Variants in HTR4 observed in about 807,000 individuals in gnomAD.
HTR4 encodes 5-hydroxytryptamine receptor 4.
Under a neutral mutation model 36.8 loss-of-function variants are expected in HTR4, and 16 were observed. The ratio of observed to expected loss-of-function variants is 0.43; its 90% confidence interval spans 0.29 to 0.66. The LOEUF (loss-of-function observed/expected upper bound fraction) is 0.66, where lower values mean the gene tolerates loss of function less well. Among genes scored for constraint, HTR4 ranks in the 30% least tolerant of loss-of-function variants. The probability of loss-of-function intolerance (pLI) is 0.13; values close to 1 mark genes in which losing one functional copy is unlikely to be tolerated. For synonymous variants in HTR4, 189 were observed against 185.1 expected, an observed-to-expected ratio of 1.02 and a Z score of -0.17; for missense variants, 438 against 490.9, an observed-to-expected ratio of 0.89 and a Z score of 1.02.
intron 6 of HTR4, among the ~76,000 whole-genome samples, chr5:148,491,667 A>C (rs1235479271): frequency 6.6e-6 from 1 of 152,194 alleles, no homozygotes; most frequent in East Asian, 1.9e-4. Flanking sequence ...TCTGGTAAAC[A>C]AGATCATTCC....
chr5:148,636,591 A>T (rs540633762), intron 2 of HTR4, among the ~76,000 whole-genome samples: 56 of 152,354 alleles, frequency 3.7e-4, no homozygotes, highest in Admixed American at 2.0e-4. Flanking sequence ...AACCTAGTTG[A>T]GAAAAGAAGT....
intron 4 of HTR4, among the ~76,000 whole-genome samples, chr5:148,524,789 TCCC>T (rs1758185568): frequency 6.6e-6 from 1 of 152,216 alleles, no homozygotes; most frequent in Non-Finnish European, 1.5e-5. Flanking sequence ...TGTTAATTTT[TCCC>T]ACCTCTTCTT....
intron 2 of HTR4, among the ~76,000 whole-genome samples, chr5:148,580,310 T>G (rs1164734298): frequency 6.6e-6 from 1 of 152,092 alleles, no homozygotes; most frequent in African/African-American, 2.4e-5. Flanking sequence ...ACATAATTAA[T>G]GTATACTTGG....
At chr5:148,525,391 G>T (rs753281025) in intron 4 of HTR4, among the ~76,000 whole-genome samples, 1 of 151,900 alleles carries the variant, frequency 6.6e-6, no homozygotes, top group East Asian at 1.9e-4. Context: ...TTTCCATTTA[G>T]CATCCTTCTT....
At chr5:148,484,092 A>G (rs1442866682) in intron 6 of HTR4, among the ~76,000 whole-genome samples, 2 of 152,098 alleles carry the variant, frequency 1.3e-5, no homozygotes, top group African/African-American at 2.4e-5. Flanking sequence ...AACATTCAAG[A>G]TATGATTATT....
intron 2 of HTR4, among the ~76,000 whole-genome samples, chr5:148,591,303 C>G (rs969457459): frequency 6.6e-6 from 1 of 152,128 alleles, no homozygotes; most frequent in Admixed American, 6.5e-5. Flanking sequence ...ATTTCCTTGG[C>G]TATTAGGGCT....
intron 2 of HTR4, among the ~76,000 whole-genome samples, chr5:148,573,877 G>A (rs1760777774): frequency 9.4e-6 from 1 of 106,064 alleles, no homozygotes; most frequent in African/African-American, 3.6e-5. Flanking sequence ...GTAGACTAAT[G>A]GTCTACCTGG....
intron 2 of HTR4, among the ~76,000 whole-genome samples, chr5:148,620,187 G>A (rs60602097): frequency 0.014 from 2,114 of 152,322 alleles, 44 homozygotes; most frequent in African/African-American, 0.049. Flanking sequence ...TAGGAGAAAA[G>A]GGAAGAAAAG....
rs1033738729 is a variant in HTR4, at chr5:148,654,526, C to T, written c.-512G>A. ...CCTCCCTGGCCGGAGCGCTGCTCATCTGATGGAGGGCAGGAAGGAGCCCTG... is the reference window on the plus strand; with the variant it reads ...CCTCCCTGGCCGGAGCGCTGCTCATTTGATGGAGGGCAGGAAGGAGCCCTG... On this transcript the variant is annotated 5_prime_UTR_variant, in exon 1 of 7. Coordinates refer to ENST00000377888, the MANE Select transcript of HTR4 (RefSeq NM_000870.7). 1.0e-6 allele frequency: 1 copy of T among 983,390 alleles called. No individual in the cohort carries two copies. The highest frequency in any genetic ancestry group is 1.2e-6 in the Non-Finnish European group (1 of 828,048). 60.9% of individuals were successfully genotyped at this position (983,390 alleles called of 1,614,324 possible).
At chr5:148,650,723 A>C (rs1862340) in intron 1 of HTR4, among the ~76,000 whole-genome samples, 29,492 of 152,102 alleles carry the variant, frequency 0.19, 3,428 homozygotes, top group East Asian at 0.4. Context: ...ATTACCCAAC[A>C]CTGCCACCAC....
chr5:148,642,176 A>T (rs1178040594), intron 1 of HTR4, among the ~76,000 whole-genome samples: 2 of 152,200 alleles, frequency 1.3e-5, no homozygotes, highest in Non-Finnish European at 2.9e-5. Flanking sequence ...AGGAGTAAGT[A>T]AAACATTATT....
chr5:148,482,529 T>C lies in HTR4; in HGVS notation c.*674A>G. ...CTGACCCTGTGTCTTCCATGGAAAATAAATGGAGCATGTCCTGAAGAGGAG... is the reference window on the plus strand; with the variant it reads ...CTGACCCTGTGTCTTCCATGGAAAACAAATGGAGCATGTCCTGAAGAGGAG... On this transcript the variant is annotated 3_prime_UTR_variant, in exon 7 of 7. Coordinates refer to ENST00000377888, the MANE Select transcript of HTR4 (RefSeq NM_000870.7). The C allele has an allele frequency of 3.0e-6, 3 of 985,382 alleles. No individual in the cohort carries two copies. The highest frequency in any genetic ancestry group is 2.4e-6 in the Non-Finnish European group (2 of 830,040). 61.0% of individuals were successfully genotyped at this position (985,382 alleles called of 1,614,324 possible).
At chr5:148,615,841 A>G (rs968723512) in intron 2 of HTR4, among the ~76,000 whole-genome samples, 1 of 152,158 alleles carries the variant, frequency 6.6e-6, no homozygotes, top group African/African-American at 2.4e-5. Flanking sequence ...TTGTCAATCA[A>G]TTTCTCCAGC....
intron 6 of HTR4, among the ~76,000 whole-genome samples, chr5:148,486,009 T>C: frequency 6.6e-6 from 1 of 152,202 alleles, no homozygotes; most frequent in East Asian, 1.9e-4. Context: ...TAAATAAAGA[T>C]TGAAAATACT....
intron 2 of HTR4, among the ~76,000 whole-genome samples, chr5:148,605,252 TTTTC>T (rs199573725): frequency 0.17 from 18,654 of 107,886 alleles, 2,560 homozygotes; most frequent in African/African-American, 0.38. Flanking sequence ...TTTTCTTTTC[TTTTC>T]TTTTTTTTTT....
chr5:148,584,368 C>T (rs1581509038), intron 2 of HTR4, among the ~76,000 whole-genome samples: 1 of 152,262 alleles, frequency 6.6e-6, no homozygotes. Context: ...GTGCCACACA[C>T]CTTCCAATTA....
At position 148,482,429 on chromosome 5, in the gene HTR4, G is replaced by A. The variant is rs373299287; in HGVS notation, c.*774C>T. On this transcript the variant is annotated 3_prime_UTR_variant, in exon 7 of 7. Coordinates refer to ENST00000377888, the MANE Select transcript of HTR4 (RefSeq NM_000870.7). ...TCAGGGCAGACACGCCAGCGGCCAG[G>A]ACACCAGGAGGAAGCTATCTGTCTT... 4.1e-6 allele frequency: 4 copies of A among 985,508 alleles called. No individual in the cohort carries two copies. The African/African-American group carries it at 7.0e-5, about 17-fold the overall frequency. 61.0% of individuals were successfully genotyped at this position (985,508 alleles called of 1,614,324 possible). A position where few individuals can be genotyped will look rare whatever the true frequency, so the allele number is the denominator to read the frequency against.
At chr5:148,602,437 A>T (rs1762032425) in intron 2 of HTR4, among the ~76,000 whole-genome samples, 1 of 152,248 alleles carries the variant, frequency 6.6e-6, no homozygotes, top group Non-Finnish European at 1.5e-5. Context: ...CTAGGTGATA[A>T]TTAAATTATG....
Position 148,544,379 on chromosome 5 carries a change from A to G in HTR4, c.353+4289T>C, listed in dbSNP as rs142319063. On this transcript the variant is annotated intron_variant, in intron 4 of 6. Coordinates refer to ENST00000377888, the MANE Select transcript of HTR4 (RefSeq NM_000870.7). ...TGTAAACCCAGATACATGCATCTCT[A>G]TATTTATTTTACAAAAATGGAACTA... is the stretch of plus-strand genomic sequence containing the variant. Among the ~76,000 whole-genome samples, 362 of 151,838 alleles carry G rather than the reference A, an allele frequency of 2.4e-3. 13 individuals carry two copies. In the East Asian group the frequency reaches 0.04, roughly 17 times the overall value.
Sources: allele counts gnomAD v4.1 joint callset (sites outside exome capture counted in the v4.1 genomes callset), GRCh38; gene constraint gnomAD v4.1.1; transcripts MANE v1.5; gene names NCBI Gene and HGNC (gene_info 2026-07-23, HGNC 2026-07-21).